The following MIPOL1 variants were observed in gnomAD, a reference collection of about 807,000 sequenced individuals.
MIPOL1 encodes the protein mirror-image polydactyly gene 1 protein.
A neutral mutation model predicts 60.9 loss-of-function variants in MIPOL1; 57 were observed. That is an observed-to-expected ratio of 0.94 (90% confidence interval 0.76 to 1.17). The LOEUF (loss-of-function observed/expected upper bound fraction) is 1.17. Among genes scored for constraint, MIPOL1 ranks in the 50% most tolerant of loss-of-function variants. MIPOL1 has a pLI of 0.00. For synonymous variants in MIPOL1, 179 were observed against 168.8 expected (o/e 1.06, Z -0.47); for missense variants, 551 against 511.6 (o/e 1.08, Z -0.74).
chr14:37,431,832 G>A (rs925095747), intron 11 of MIPOL1, among the ~76,000 whole-genome samples: 3 of 151,276 alleles, frequency 2.0e-5, no homozygotes, highest in East Asian at 3.9e-4. Context: ...TGATCCGCTC[G>A]CCTCAGCCTC....
intron 1 of MIPOL1, among the ~76,000 whole-genome samples, chr14:37,234,695 T>C (rs1971159137): frequency 1.3e-5 from 2 of 152,052 alleles, no homozygotes; most frequent in Non-Finnish European, 2.9e-5. Flanking sequence ...AAGCCTAAAA[T>C]ATAGTAGGCT....
At chr14:37,508,488 A>G (rs2095299607) in intron 12 of MIPOL1, among the ~76,000 whole-genome samples, 1 of 152,196 alleles carries the variant, frequency 6.6e-6, no homozygotes, top group Non-Finnish European at 1.5e-5. Context: ...CAATGAACAT[A>G]TGTTTATGGT....
intron 1 of MIPOL1, among the ~76,000 whole-genome samples, chr14:37,233,751 G>A (rs1053182963): frequency 6.6e-5 from 10 of 152,144 alleles, no homozygotes; most frequent in Non-Finnish European, 1.5e-4. Flanking sequence ...AGGCCTCTCT[G>A]GTGAAGCTTT....
chr14:37,400,380 G>A (rs1223012149), intron 10 of MIPOL1: 4 of 152,136 alleles, frequency 2.6e-5, no homozygotes, highest in Non-Finnish European at 5.9e-5. Context: ...AACAGACAGT[G>A]AAATTGAGTT....
At chr14:37,271,355 A>G (rs1301803696) in intron 6 of MIPOL1, among the ~76,000 whole-genome samples, 3 of 152,122 alleles carry the variant, frequency 2.0e-5, no homozygotes, top group Non-Finnish European at 4.4e-5. Flanking sequence ...TTAAGAAGCA[A>G]TTGAATTTTG....
chr14:37,436,056 A>T (rs995077281), intron 11 of MIPOL1, among the ~76,000 whole-genome samples: 1 of 152,172 alleles, frequency 6.6e-6, no homozygotes, highest in Non-Finnish European at 1.5e-5. Flanking sequence ...CATATAAATG[A>T]TATCTTCACT....
intron 12 of MIPOL1, among the ~76,000 whole-genome samples, chr14:37,536,870 G>A (rs1566790573): frequency 6.6e-6 from 1 of 152,154 alleles, no homozygotes. Context: ...CATTTCCTGA[G>A]TATCCCCTTG....
intron 9 of MIPOL1, among the ~76,000 whole-genome samples, chr14:37,322,622 A>G (rs540961287): frequency 6.6e-6 from 1 of 151,840 alleles, no homozygotes; most frequent in South Asian, 2.1e-4. Flanking sequence ...TTTTTTCCAC[A>G]TCCTCTCCAG....
chr14:37,460,978 T>C (rs2094532555), intron 11 of MIPOL1, among the ~76,000 whole-genome samples: 1 of 152,146 alleles, frequency 6.6e-6, no homozygotes, highest in South Asian at 2.1e-4. Flanking sequence ...ACCAGCATCA[T>C]ATTTCACAGA....
At chr14:37,360,243 C>T (rs10132652) in intron 9 of MIPOL1, among the ~76,000 whole-genome samples, 147,508 of 152,258 alleles carry the variant, frequency 0.97, 71,525 homozygotes, top group East Asian at 1. Flanking sequence ...TGAGGATATT[C>T]GCATCCATAT....
intron 7 of MIPOL1, among the ~76,000 whole-genome samples, chr14:37,299,109 C>A (rs867172442): frequency 1.4e-4 from 22 of 152,268 alleles, no homozygotes; most frequent in Middle Eastern, 3.4e-3. Flanking sequence ...ATGGAATACT[C>A]TGCAGCCATA....
At chr14:37,474,739 G>A (rs1032200901) in intron 11 of MIPOL1, among the ~76,000 whole-genome samples, 37 of 152,104 alleles carry the variant, frequency 2.4e-4, no homozygotes, top group Non-Finnish European at 1.3e-4. Context: ...ATACTATTTT[G>A]CATCCCCACC....
intron 3 of MIPOL1, among the ~76,000 whole-genome samples, chr14:37,252,492 C>T (rs1411098007): frequency 1.3e-5 from 2 of 151,772 alleles, no homozygotes; most frequent in African/African-American, 4.8e-5. Flanking sequence ...ATGATTCTTA[C>T]GGTTTTTCTA....
chr14:37,482,825 C>T (rs931814422), intron 11 of MIPOL1, among the ~76,000 whole-genome samples: 3 of 152,084 alleles, frequency 2.0e-5, no homozygotes, highest in African/African-American at 7.2e-5. Context: ...GAAAAGGGAA[C>T]CCTTGTATAC....
chr14:37,198,836 T>C (rs1964763314), intron 1 of MIPOL1, among the ~76,000 whole-genome samples: 1 of 152,164 alleles, frequency 6.6e-6, no homozygotes. Flanking sequence ...GGAGGTGTTC[T>C]TTTCTTCCCC....
intron 11 of MIPOL1, among the ~76,000 whole-genome samples, chr14:37,454,444 C>T (rs1279892151): frequency 6.6e-6 from 1 of 152,184 alleles, no homozygotes; most frequent in African/African-American, 2.4e-5. Context: ...ATAATTTGAG[C>T]TGATGCTCAT....
At position 37,501,286 on chromosome 14, in the gene MIPOL1, G is replaced by A. The variant is rs112151264; in HGVS notation, c.1262+1148G>A. 8.5e-5 allele frequency among the ~76,000 whole-genome samples: 13 copies of A among 152,300 alleles called. 1 individual carries two copies. The highest frequency in any genetic ancestry group is 3.1e-4 in the African/African-American group (13 of 41,564). On this transcript the variant is annotated intron_variant, in intron 12 of 12. Coordinates refer to ENST00000684589, the MANE Select transcript of MIPOL1 (RefSeq NM_001388067.1). ...TACGTTAATATTCTAAGAACACTAT[G>A]ATGTATAGGTAGATCTCATTTCATT...
chr14:37,378,526 C>G (rs1044319509), intron 10 of MIPOL1, among the ~76,000 whole-genome samples: 4 of 151,610 alleles, frequency 2.6e-5, no homozygotes. Context: ...CAGGCTATGA[C>G]TATGGAAAGG....
intron 10 of MIPOL1, among the ~76,000 whole-genome samples, chr14:37,383,644 A>G (rs1013069302): frequency 2.0e-5 from 3 of 151,870 alleles, no homozygotes. Context: ...AAGTTTTCAG[A>G]TAAGTACTTT....
Sources: allele counts gnomAD v4.1 joint callset (sites outside exome capture counted in the v4.1 genomes callset), GRCh38; gene constraint gnomAD v4.1.1; transcripts MANE v1.5; gene names NCBI Gene and HGNC (gene_info 2026-07-23, HGNC 2026-07-21).